PCCA: variants seen among roughly 807,000 people sequenced by gnomAD.
The protein encoded by PCCA is propionyl-CoA carboxylase subunit alpha, also known as propionyl-CoA carboxylase alpha chain, mitochondrial.
In PCCA, 74 loss-of-function variants were observed where a neutral mutation model predicts 101.3. That is an observed-to-expected ratio of 0.73 (90% CI 0.61 to 0.89). The LOEUF (loss-of-function observed/expected upper bound fraction) is 0.89. PCCA is among the 40% of genes least tolerant of loss of function. PCCA has a pLI of 0.00. For synonymous variants in PCCA, 294 were observed against 313.6 expected (o/e 0.94, Z 0.66); for missense variants, 891 against 907.0 (o/e 0.98, Z 0.23).
intron 22 of PCCA, among the ~76,000 whole-genome samples, chr13:100,522,002 G>T (rs1217877838): frequency 6.6e-6 from 1 of 152,120 alleles, no homozygotes; most frequent in African/African-American, 2.4e-5. Context: ...CCCAAAAAGG[G>T]GACTTAATTT....
intron 6 of PCCA, among the ~76,000 whole-genome samples, chr13:100,159,509 C>T (rs1326181198): frequency 6.6e-6 from 1 of 152,070 alleles, no homozygotes; most frequent in Non-Finnish European, 1.5e-5. Flanking sequence ...CCTGGGTGCT[C>T]ATAGTCATGT....
intron 4 of PCCA, chr13:100,151,197 A>T (rs2053271528): frequency 1.5e-6 from 1 of 652,616 alleles, no homozygotes; most frequent in Admixed American, 3.0e-5. Context: ...TGTAAGATGA[A>T]AAACACATCT....
rs534744039 is a variant in PCCA, at chr13:100,394,384, G to C, written c.1746+25810G>C. On this transcript the variant is annotated intron_variant, in intron 19 of 23. Coordinates refer to ENST00000376285, the MANE Select transcript of PCCA (RefSeq NM_000282.4). This position sits in a 1 kb window ranked among gnomAD's most constrained non-coding sequence, Gnocchi z 4.3. Reference sequence around the variant, plus strand: ...AAGAAAACACAGCTTTCTTCAGCGAGGTTCCTTTTGCATCAGCGCTGGTTC... The same window carrying C: ...AAGAAAACACAGCTTTCTTCAGCGACGTTCCTTTTGCATCAGCGCTGGTTC... 2.1e-4 allele frequency among the ~76,000 whole-genome samples: 32 copies of C among 152,102 alleles called. No individual in the cohort carries two copies. Among genetic ancestry groups the C allele is most frequent in the African/African-American group, 7.5e-4 (31 of 41,506 alleles).
intron 17 of PCCA, among the ~76,000 whole-genome samples, chr13:100,338,606 G>A (rs2070855551): frequency 6.6e-6 from 1 of 151,270 alleles, no homozygotes; most frequent in South Asian, 2.1e-4. Flanking sequence ...GAGTAATTAT[G>A]TAATCATATG....
At chr13:100,108,358 G>GT (rs2048000088) in intron 2 of PCCA, among the ~76,000 whole-genome samples, 1 of 152,122 alleles carries the variant, frequency 6.6e-6, no homozygotes, top group Non-Finnish European at 1.5e-5. Context: ...ATTTATAGTT[G>GT]TTTTTTCCTG....
chr13:100,425,856 C>T (rs1367664923), intron 20 of PCCA, 125 bp downstream of exon 20: 1 of 691,990 alleles, frequency 1.4e-6, no homozygotes, highest in Non-Finnish European at 2.6e-6. Context: ...ATACTTTTTA[C>T]AGTCGAAAAC....
At chr13:100,466,636 C>T (rs2082539082) in intron 21 of PCCA, among the ~76,000 whole-genome samples, 1 of 152,014 alleles carries the variant, frequency 6.6e-6, no homozygotes, top group South Asian at 2.1e-4. Context: ...TAACAATTAC[C>T]CTTCTGAGGT....
intron 12 of PCCA, among the ~76,000 whole-genome samples, chr13:100,294,975 T>G (rs552393997): frequency 6.6e-6 from 1 of 152,262 alleles, no homozygotes; most frequent in South Asian, 2.1e-4. Context: ...AGAGTCTCAC[T>G]CTGTCACCCA....
intron 6 of PCCA, among the ~76,000 whole-genome samples, chr13:100,192,057 G>A (rs1046800155): frequency 6.6e-6 from 1 of 152,164 alleles, no homozygotes; most frequent in South Asian, 2.1e-4. Context: ...ATTCTCTGAA[G>A]CAAAGGGGGA....
At chr13:100,089,435 G>T (rs1488223848) in intron 1 of PCCA, among the ~76,000 whole-genome samples, 1 of 152,258 alleles carries the variant, frequency 6.6e-6, no homozygotes, top group East Asian at 1.9e-4. Context: ...TTCCTCGCGG[G>T]GATCCTGCGG....
intron 21 of PCCA, among the ~76,000 whole-genome samples, chr13:100,474,759 G>T (rs2083293870): frequency 6.6e-6 from 1 of 152,114 alleles, no homozygotes; most frequent in Admixed American, 6.6e-5. Context: ...AAAGTGCTAG[G>T]TGTGAGCCAC....
At chr13:100,420,463 C>G (rs2078673447) in intron 19 of PCCA, among the ~76,000 whole-genome samples, 1 of 151,872 alleles carries the variant, frequency 6.6e-6, no homozygotes, top group African/African-American at 2.4e-5. Flanking sequence ...GCCTGTAGTC[C>G]CAGCTACACG....
chr13:100,329,862 A>G (rs1251425204), intron 16 of PCCA, among the ~76,000 whole-genome samples: 1 of 152,170 alleles, frequency 6.6e-6, no homozygotes, highest in African/African-American at 2.4e-5. Context: ...TGGTGAAACC[A>G]TTACATCTGA....
chr13:100,482,624 C>T (rs982921560), intron 21 of PCCA, among the ~76,000 whole-genome samples: 4 of 152,204 alleles, frequency 2.6e-5, no homozygotes, highest in African/African-American at 2.4e-5. Flanking sequence ...AGCGTTCGCT[C>T]GTTCCCCAAG....
At chr13:100,123,840 A>G (rs936522926) in intron 4 of PCCA, among the ~76,000 whole-genome samples, 1 of 152,202 alleles carries the variant, frequency 6.6e-6, no homozygotes, top group Non-Finnish European at 1.5e-5. Flanking sequence ...TCTCATGAAT[A>G]TTATGTGGAT....
At chr13:100,272,746 A>G (rs959586343) in intron 11 of PCCA, among the ~76,000 whole-genome samples, 5 of 152,212 alleles carry the variant, frequency 3.3e-5, no homozygotes, top group Non-Finnish European at 5.9e-5. Flanking sequence ...AAGCGCCTTA[A>G]GTATTGATTT....
intron 21 of PCCA, among the ~76,000 whole-genome samples, chr13:100,457,510 T>A (rs1157585098): frequency 1.3e-5 from 2 of 152,226 alleles, no homozygotes; most frequent in Admixed American, 1.3e-4. Flanking sequence ...CTTTGTACCA[T>A]TTCCCTGAAC....
At chr13:100,328,384 AT>A (rs752621009) in intron 16 of PCCA, among the ~76,000 whole-genome samples, 1,637 of 147,144 alleles carry the variant, frequency 0.011, 28 homozygotes, top group African/African-American at 0.031. Context: ...AATAATAATA[AT>A]AATAATAATA....
At chr13:100,170,521 T>C (rs991911133) in intron 6 of PCCA, among the ~76,000 whole-genome samples, 1 of 152,228 alleles carries the variant, frequency 6.6e-6, no homozygotes, top group Non-Finnish European at 1.5e-5. Context: ...ACTCATAATA[T>C]GTGATATGCT....
Sources: gnomAD v4.1 joint callset for allele counts (sites outside exome capture counted in the v4.1 genomes callset) on GRCh38, gnomAD v4.1.1 for gene constraint, Gnocchi (gnomAD v3.1) non-coding constraint, MANE v1.5 for transcripts, NCBI Gene and HGNC (gene_info 2026-07-23, HGNC 2026-07-21) for gene names.